Variants in HSD17B12 observed in about 807,000 individuals in gnomAD.
HSD17B12 encodes hydroxysteroid 17-beta dehydrogenase 12.
Under a neutral mutation model 39.3 loss-of-function variants are expected in HSD17B12, and 32 were observed. The observed-to-expected ratio is 0.81, with a 90% confidence interval of 0.61 to 1.09. HSD17B12 has a LOEUF of 1.09. Among genes scored for constraint, HSD17B12 ranks in the 50% least tolerant of loss-of-function variants. The pLI is 0.00. For synonymous variants in HSD17B12, 150 were observed against 146.7 expected (o/e 1.02, Z -0.16); for missense variants, 342 against 382.9 (o/e 0.89, Z 0.89).
chr11:43,778,498 A>C (rs1466452049), intron 3 of HSD17B12, among the ~76,000 whole-genome samples: 1 of 151,688 alleles, frequency 6.6e-6, no homozygotes, highest in East Asian at 1.9e-4. Flanking sequence ...GGCCAGCATC[A>C]TCCTGATACC....
At chr11:43,848,910 T>C (rs1291353513) in intron 9 of HSD17B12, among the ~76,000 whole-genome samples, 1 of 152,208 alleles carries the variant, frequency 6.6e-6, no homozygotes, top group Non-Finnish European at 1.5e-5. Context: ...TCATAGCTTG[T>C]CCTGGACATT....
At chr11:43,667,308 C>T in the HSD17B12 span, among the ~76,000 whole-genome samples, 15 of 152,068 alleles carry the variant, frequency 9.9e-5, no homozygotes, top group South Asian at 2.1e-4. Flanking sequence ...TGTGCCACCA[C>T]GGCTGGCTAA....
chr11:43,737,285 G>T (rs1484339125), intron 1 of HSD17B12, among the ~76,000 whole-genome samples: 1 of 152,146 alleles, frequency 6.6e-6, no homozygotes, highest in African/African-American at 2.4e-5. Flanking sequence ...GGTTGATTGG[G>T]TTCTTACTAA....
chr11:43,817,028 CT>C (rs1951134965), intron 6 of HSD17B12, among the ~76,000 whole-genome samples: 1 of 20,132 alleles, frequency 5.0e-5, no homozygotes, highest in African/African-American at 1.4e-4. Flanking sequence ...ATATCTATAT[CT>C]ATATCTATAT....
At chr11:43,818,192 A>G (rs769157702) in intron 6 of HSD17B12, among the ~76,000 whole-genome samples, 1 of 152,146 alleles carries the variant, frequency 6.6e-6, no homozygotes, top group Non-Finnish European at 1.5e-5. Context: ...TGTCTTCCCC[A>G]TGATTCTTTT....
chr11:43,589,500 T>C, the HSD17B12 span, among the ~76,000 whole-genome samples: 1 of 152,244 alleles, frequency 6.6e-6, no homozygotes, highest in South Asian at 2.1e-4. Flanking sequence ...TGTTTTTGTT[T>C]ATTATTTATT....
the HSD17B12 span, among the ~76,000 whole-genome samples, chr11:43,582,460 C>G: frequency 1.3e-5 from 2 of 152,216 alleles, no homozygotes; most frequent in African/African-American, 4.8e-5. Context: ...CGCCCTTCGC[C>G]TGCTAGGAAC....
chr11:43,682,014 T>C (rs1312225699), intron 1 of HSD17B12, among the ~76,000 whole-genome samples: 1 of 152,178 alleles, frequency 6.6e-6, no homozygotes, highest in African/African-American at 2.4e-5. Context: ...TTATTGAATT[T>C]TGGGGTGGTT....
chr11:43,720,933 A>G (rs1199699597), intron 1 of HSD17B12, among the ~76,000 whole-genome samples: 2 of 152,078 alleles, frequency 1.3e-5, no homozygotes, highest in Non-Finnish European at 2.9e-5. Flanking sequence ...GAAAAATAGT[A>G]AGCTGTTTTT....
intron 1 of HSD17B12, among the ~76,000 whole-genome samples, chr11:43,738,947 A>G (rs1565070090): frequency 6.6e-6 from 1 of 152,236 alleles, no homozygotes; most frequent in East Asian, 1.9e-4. Context: ...AATGTTACCT[A>G]TTGCTCTTTG....
chr11:43,773,886 T>G (rs1182557051), intron 3 of HSD17B12, among the ~76,000 whole-genome samples: 1 of 152,254 alleles, frequency 6.6e-6, no homozygotes, highest in Non-Finnish European at 1.5e-5. Context: ...TTTTGCTTTT[T>G]GCCCTTTTAT....
chr11:43,641,033 A>G, the HSD17B12 span: 1 of 151,830 alleles, frequency 6.6e-6, no homozygotes, highest in Non-Finnish European at 1.5e-5. Flanking sequence ...TTTCTTCTTT[A>G]GGTAAGGAAA....
chr11:43,837,450 T>C (rs1565107632), intron 7 of HSD17B12, among the ~76,000 whole-genome samples: 3 of 152,104 alleles, frequency 2.0e-5, no homozygotes. Flanking sequence ...GTGACACTCC[T>C]AAACCATAAT....
the HSD17B12 span, among the ~76,000 whole-genome samples, chr11:43,616,929 G>A: frequency 4.1e-4 from 60 of 146,442 alleles, 1 homozygote; most frequent in African/African-American, 9.0e-4. Context: ...CCAAGATTGC[G>A]TCATTGCACT....
chr11:43,816,994 ATATCTATATCTATATC>A (rs1288488615), intron 6 of HSD17B12, among the ~76,000 whole-genome samples: 3 of 48,010 alleles, frequency 6.2e-5, no homozygotes, highest in African/African-American at 2.0e-4. Flanking sequence ...ATCTATATCT[ATATCTATATCTATATC>A]TATATCTATA....
chr11:43,590,964 G>A, the HSD17B12 span, among the ~76,000 whole-genome samples: 5 of 152,014 alleles, frequency 3.3e-5, no homozygotes, highest in Non-Finnish European at 7.4e-5. Flanking sequence ...TTAAGGGTCA[G>A]TAGCTTATCA....
At chr11:43,699,860 A>C (rs1327164820) in intron 1 of HSD17B12, among the ~76,000 whole-genome samples, 1 of 152,242 alleles carries the variant, frequency 6.6e-6, no homozygotes, top group African/African-American at 2.4e-5. Flanking sequence ...AAACAGGCAT[A>C]TGAAAAAGGT....
At chr11:43,800,248 AC>A (rs1469907395) in intron 4 of HSD17B12, among the ~76,000 whole-genome samples, 3 of 152,228 alleles carry the variant, frequency 2.0e-5, no homozygotes, top group Non-Finnish European at 2.9e-5. Flanking sequence ...CTAGAGATGG[AC>A]TAGGGGATAA....
chr11:43,681,904 C>T (rs1449116805), intron 1 of HSD17B12, among the ~76,000 whole-genome samples: 1 of 143,536 alleles, frequency 7.0e-6, no homozygotes, highest in African/African-American at 2.6e-5. Context: ...GCCTTTTTTC[C>T]CTTTAAACCG....
Sources: allele counts gnomAD v4.1 joint callset (sites outside exome capture counted in the v4.1 genomes callset), GRCh38; gene constraint gnomAD v4.1.1; transcripts MANE v1.5; gene names NCBI Gene and HGNC (gene_info 2026-07-23, HGNC 2026-07-21).